The following CDH12 variants were observed in gnomAD, a reference collection of about 807,000 sequenced individuals.
The protein encoded by CDH12 is cadherin-12.
CDH12 carries 41 observed loss-of-function variants against 74.1 expected under a neutral mutation model. The ratio of observed to expected loss-of-function variants is 0.55; its 90% CI spans 0.43 to 0.72. The LOEUF is 0.72. Ranked by LOEUF, CDH12 falls within the 30% of genes least tolerant of loss-of-function variation. The pLI, the probability that CDH12 is intolerant of heterozygous loss-of-function variation, is 0.00. For missense variants in CDH12, 945 were observed against 977.2 expected, an observed-to-expected ratio of 0.97 and a Z score of 0.44; for synonymous variants, 399 against 355.0, an observed-to-expected ratio of 1.12 and a Z score of -1.39.
At chr5:22,053,935 T>C (rs1277623686) in intron 5 of CDH12, among the ~76,000 whole-genome samples, 1 of 152,166 alleles carries the variant, frequency 6.6e-6, no homozygotes, top group Non-Finnish European at 1.5e-5. Flanking sequence ...CAATTATTAT[T>C]GAAAATTATC....
rs72739961 is a variant in CDH12 at position 21,842,472 on chromosome 5, G to A, written c.647-144C>T. 3,607 of 575,520 alleles carry A rather than the reference G, an allele frequency of 6.3e-3. 24 individuals carry two copies. Among genetic ancestry groups the A allele is most frequent in the South Asian group, 9.6e-3 (355 of 36,858 alleles). 35.7% of individuals were successfully genotyped at this position (575,520 alleles called of 1,614,324 possible). ...TAAAATTGTATCTTTTAAAAAGTGA[G>A]ACATTCAAAATGTCCAATGGTTAGG... On this transcript the variant is annotated intron_variant, in intron 7 of 14. Coordinates refer to ENST00000382254, the MANE Select transcript of CDH12 (RefSeq NM_004061.5).
intron 2 of CDH12, among the ~76,000 whole-genome samples, chr5:22,483,008 T>C (rs1746442078): frequency 6.6e-6 from 1 of 152,172 alleles, no homozygotes; most frequent in African/African-American, 2.4e-5. Flanking sequence ...CTAGTGACTT[T>C]TGGAAAGTAT....
intron 9 of CDH12, among the ~76,000 whole-genome samples, chr5:21,804,386 A>T (rs996530215): frequency 6.6e-6 from 1 of 152,160 alleles, no homozygotes. Flanking sequence ...AGACTCAAGA[A>T]AAGACAACTT....
At chr5:22,767,120 T>G (rs1746555871) in intron 1 of CDH12, among the ~76,000 whole-genome samples, 1 of 152,088 alleles carries the variant, frequency 6.6e-6, no homozygotes, top group Non-Finnish European at 1.5e-5. Flanking sequence ...CTGAATCTAA[T>G]GTTTGTGGAT....
Position 21,975,273 on chromosome 5 carries a change from C to A in CDH12, c.344G>T (p.Arg115Met), listed in dbSNP as rs1233292184. The A allele has an allele frequency of 6.3e-7, 1 of 1,597,288 alleles. No homozygotes were observed. The highest frequency in any genetic ancestry group is 1.1e-5 in the South Asian group (1 of 90,982). ...DETTGDIHAI[R>M]SLDREEKPFY... ...AGGTTTCTCTTCTCTATCTAGGCTC[C>A]TTATTGCATGAATGTCCCCTGTGGT... is the stretch of plus-strand genomic sequence containing the variant. Residue 115 changes from arginine (R) to methionine (M), a missense_variant, in exon 6 of 15, where the codon AGG becomes ATG. By Grantham distance (91) the Arg-to-Met change is moderately conservative. Transcript: ENST00000382254.
intron 9 of CDH12, among the ~76,000 whole-genome samples, chr5:21,806,107 C>T (rs1310248496): frequency 6.6e-6 from 1 of 152,120 alleles, no homozygotes; most frequent in Non-Finnish European, 1.5e-5. Flanking sequence ...TCTACAGAGA[C>T]TCAAGGGAGG....
At chr5:21,806,430 T>C (rs1348129072) in intron 9 of CDH12, among the ~76,000 whole-genome samples, 1 of 152,150 alleles carries the variant, frequency 6.6e-6, no homozygotes, top group Non-Finnish European at 1.5e-5. Context: ...ACATAACAAG[T>C]GGCTTTGGTA....
rs115420721 is a variant in CDH12 at position 22,441,333 on chromosome 5, T to C, written c.-427-35982A>G. On this transcript the variant is annotated intron_variant, in intron 2 of 14. Transcript: ENST00000382254. ...TTAAAACCAATAGATGGACAATATT[T>C]ATCTGAAAGTGTGTTCCAGAGGGTA... Among the ~76,000 whole-genome samples the C allele has an allele frequency of 9.9e-3, 1,508 of 152,280 alleles. 27 individuals carry two copies. Among genetic ancestry groups the C allele is most frequent in the African/African-American group, 0.035 (1,451 of 41,556 alleles).
At chr5:22,753,463 T>G (rs1260108791) in intron 1 of CDH12, among the ~76,000 whole-genome samples, 1 of 147,008 alleles carries the variant, frequency 6.8e-6, no homozygotes, top group Non-Finnish European at 1.5e-5. Context: ...GCAGATGACA[T>G]AGGGCCTTGT....
At chr5:22,677,787 C>T (rs545870961) in intron 1 of CDH12, among the ~76,000 whole-genome samples, 2 of 151,988 alleles carry the variant, frequency 1.3e-5, no homozygotes, top group Non-Finnish European at 2.9e-5. Context: ...TTTGGGATGC[C>T]CACAATTCCA....
At position 21,892,127 on chromosome 5, in the gene CDH12, AT is replaced by A. The variant is rs1216908590; in HGVS notation, c.527-37338del. Among the ~76,000 whole-genome samples, 5 of 152,216 alleles carry A rather than the reference AT, an allele frequency of 3.3e-5. No individual in the cohort carries two copies. The East Asian group carries it at 7.7e-4, about 23-fold the overall frequency. Reference sequence around the variant, plus strand: ...CTGATCATTTTCAGTAAAAATAAGAATAATTACAGATCTGAACTGTATTTGG... The same window carrying A: ...CTGATCATTTTCAGTAAAAATAAGAAAATTACAGATCTGAACTGTATTTGG... On this transcript the variant is annotated intron_variant, in intron 6 of 14. Coordinates refer to ENST00000382254, the MANE Select transcript of CDH12 (RefSeq NM_004061.5).
intron 1 of CDH12, among the ~76,000 whole-genome samples, chr5:22,750,057 A>G (rs1367673301): frequency 6.6e-6 from 1 of 152,104 alleles, no homozygotes; most frequent in African/African-American, 2.4e-5. Context: ...AGTGCACTCA[A>G]TTTTCCTGTG....
chr5:22,116,887 T>A (rs1745149627), intron 4 of CDH12, among the ~76,000 whole-genome samples: 1 of 140,670 alleles, frequency 7.1e-6, no homozygotes, highest in Non-Finnish European at 1.5e-5. Flanking sequence ...TTTTTTTTTT[T>A]AATGCCAGTG....
intron 3 of CDH12, among the ~76,000 whole-genome samples, chr5:22,225,122 A>G (rs1752150638): frequency 6.6e-6 from 1 of 152,042 alleles, no homozygotes; most frequent in African/African-American, 2.4e-5. Context: ...GATAGCTGAA[A>G]TCTTTACCAT....
At chr5:22,213,233 G>A (rs757758464) in intron 3 of CDH12, among the ~76,000 whole-genome samples, 6 of 152,018 alleles carry the variant, frequency 3.9e-5, no homozygotes, top group Non-Finnish European at 7.4e-5. Flanking sequence ...GCAACTCTCT[G>A]AATTTATAAA....
intron 6 of CDH12, among the ~76,000 whole-genome samples, chr5:21,882,384 T>G (rs1752396805): frequency 1.3e-5 from 2 of 152,346 alleles, no homozygotes; most frequent in African/African-American, 4.8e-5. Context: ...AATTGATTTT[T>G]AAATCAGAAA....
At chr5:21,987,728 T>C (rs993319380) in intron 5 of CDH12, among the ~76,000 whole-genome samples, 1 of 151,384 alleles carries the variant, frequency 6.6e-6, no homozygotes, top group African/African-American at 2.5e-5. Flanking sequence ...AAGTCAAACA[T>C]TTTTGCCATC....
chr5:22,068,516 T>C (rs570785580), intron 5 of CDH12, among the ~76,000 whole-genome samples: 68 of 152,230 alleles, frequency 4.5e-4, no homozygotes, highest in Non-Finnish European at 7.1e-4. Flanking sequence ...GAATTAGAAA[T>C]GGGCAGACAT....
chr5:22,808,056 T>C (rs1366027214), intron 1 of CDH12, among the ~76,000 whole-genome samples: 2 of 152,244 alleles, frequency 1.3e-5, no homozygotes, highest in Non-Finnish European at 2.9e-5. Context: ...TATGCGGACC[T>C]TGTTGACCAA....
Sources: gnomAD v4.1 joint callset for allele counts (sites outside exome capture counted in the v4.1 genomes callset) on GRCh38, gnomAD v4.1.1 for gene constraint, MANE v1.5 for transcripts, NCBI Gene and HGNC (gene_info 2026-07-23, HGNC 2026-07-21) for gene names.